ANKS1B: variants seen among roughly 807,000 people sequenced by gnomAD.
ANKS1B encodes the protein ankyrin repeat and sterile alpha motif domain-containing protein 1B.
A neutral mutation model predicts 148.3 loss-of-function variants in ANKS1B; 36 were observed. The ratio of observed to expected loss-of-function variants is 0.24; its 90% CI spans 0.19 to 0.32. The LOEUF (loss-of-function observed/expected upper bound fraction) is 0.32. Ranked by LOEUF, ANKS1B falls within the 10% of genes least tolerant of loss-of-function variation. The pLI is 1.00. For missense variants in ANKS1B, 1,157 were observed against 1,542.6 expected, an observed-to-expected ratio of 0.75 and a Z score of 4.19; for synonymous variants, 542 against 560.8, an observed-to-expected ratio of 0.97 and a Z score of 0.47.
chr12:99,069,996 T>A (rs2045750476), intron 16 of ANKS1B, among the ~76,000 whole-genome samples: 1 of 152,218 alleles, frequency 6.6e-6, no homozygotes, highest in African/African-American at 2.4e-5. Flanking sequence ...GAGCTTTAAT[T>A]TCTTCACCTG....
At chr12:99,411,675 G>T (rs941089841) in intron 11 of ANKS1B, among the ~76,000 whole-genome samples, 16 of 152,138 alleles carry the variant, frequency 1.1e-4, no homozygotes, top group South Asian at 4.2e-4. Flanking sequence ...CCACTGATTT[G>T]AAATGTCACC....
Position 99,372,653 on chromosome 12 carries a change from T to G in ANKS1B, c.1756+26978A>C, listed in dbSNP as rs563201889. 3.3e-3 allele frequency among the ~76,000 whole-genome samples: 506 copies of G among 152,218 alleles called. 1 individual carries two copies. The highest frequency in any genetic ancestry group is 0.012 in the African/African-American group (497 of 41,546). The stretch of plus-strand genomic sequence containing the variant: ...CTACATATTAGCTTCTTTCCCCACT[T>G]CCTCCCCTAGTTTTATACATCCATA... On this transcript the variant is annotated intron_variant, in intron 12 of 26. Transcript: ENST00000683438.
intron 8 of ANKS1B, among the ~76,000 whole-genome samples, chr12:99,679,407 A>G (rs2098601054): frequency 6.6e-6 from 1 of 152,172 alleles, no homozygotes; most frequent in East Asian, 1.9e-4. Context: ...CCCCAGGCTC[A>G]AGCCATCCTC....
At chr12:99,054,403 G>A (rs1376589114) in intron 16 of ANKS1B, among the ~76,000 whole-genome samples, 2 of 152,076 alleles carry the variant, frequency 1.3e-5, no homozygotes. Context: ...TCTTAAACAT[G>A]GTAAGCTTTC....
chr12:99,613,944 T>C (rs996528799), intron 9 of ANKS1B, among the ~76,000 whole-genome samples: 9 of 151,966 alleles, frequency 5.9e-5, no homozygotes, highest in Non-Finnish European at 1.3e-4. Flanking sequence ...ATTTACCCTA[T>C]CCTATTCCAA....
chr12:99,331,275 C>T (rs1345691440), intron 12 of ANKS1B, among the ~76,000 whole-genome samples: 1 of 151,864 alleles, frequency 6.6e-6, no homozygotes, highest in Non-Finnish European at 1.5e-5. Flanking sequence ...AAACAGTACT[C>T]TAATATGGGG....
chr12:99,465,343 A>G (rs1389514469), intron 10 of ANKS1B, among the ~76,000 whole-genome samples: 3 of 152,244 alleles, frequency 2.0e-5, no homozygotes, highest in Non-Finnish European at 4.4e-5. Flanking sequence ...AAATCACGCC[A>G]AATTGTAAAG....
intron 9 of ANKS1B, among the ~76,000 whole-genome samples, chr12:99,615,219 A>G (rs1406897304): frequency 6.6e-6 from 1 of 152,132 alleles, no homozygotes; most frequent in African/African-American, 2.4e-5. Flanking sequence ...ACACACACAT[A>G]AACTCATGCA....
intron 17 of ANKS1B, among the ~76,000 whole-genome samples, chr12:99,016,227 G>A (rs927185379): frequency 1.3e-4 from 20 of 152,214 alleles, no homozygotes; most frequent in Admixed American, 5.9e-4. Flanking sequence ...TTCTGTGTTA[G>A]AACCCATGAC....
At chr12:99,335,279 TATA>T (rs1433408488) in intron 12 of ANKS1B, among the ~76,000 whole-genome samples, 3 of 152,068 alleles carry the variant, frequency 2.0e-5, no homozygotes, top group Admixed American at 6.6e-5. Context: ...GATACAGGCA[TATA>T]ATGTGTAATA....
At chr12:98,774,935 C>T (rs182488147) in intron 24 of ANKS1B, among the ~76,000 whole-genome samples, 1 of 152,302 alleles carries the variant, frequency 6.6e-6, no homozygotes, top group East Asian at 1.9e-4. Context: ...AGATAAGTTT[C>T]AGACTAGAAG....
intron 12 of ANKS1B, among the ~76,000 whole-genome samples, chr12:99,384,626 C>T (rs1229199019): frequency 6.6e-6 from 1 of 151,640 alleles, no homozygotes; most frequent in Non-Finnish European, 1.5e-5. Context: ...CCTGCCTTCC[C>T]CTCCTCTCCC....
intron 15 of ANKS1B, among the ~76,000 whole-genome samples, chr12:99,128,135 C>G (rs2064963796): frequency 6.6e-6 from 1 of 152,162 alleles, no homozygotes; most frequent in Non-Finnish European, 1.5e-5. Context: ...TGGAGCCATT[C>G]AAACAGATTC....
chr12:99,856,970 G>A (rs2089228674), intron 1 of ANKS1B, among the ~76,000 whole-genome samples: 1 of 152,150 alleles, frequency 6.6e-6, no homozygotes, highest in Non-Finnish European at 1.5e-5. Flanking sequence ...CTAAGAACTG[G>A]AACATGACAA....
chr12:99,015,383 G>A (rs185412855), intron 17 of ANKS1B, among the ~76,000 whole-genome samples: 101 of 152,186 alleles, frequency 6.6e-4, no homozygotes, highest in Non-Finnish European at 1.3e-3. Flanking sequence ...ATGGGAGGAG[G>A]GAGAAGATCA....
intron 12 of ANKS1B, among the ~76,000 whole-genome samples, chr12:99,273,646 G>A (rs1004728781): frequency 3.7e-5 from 5 of 135,372 alleles, no homozygotes; most frequent in Non-Finnish European, 4.5e-5. Context: ...GCACAATCTC[G>A]GCTCACTGGA....
intron 17 of ANKS1B, among the ~76,000 whole-genome samples, chr12:98,992,142 G>T (rs1399188531): frequency 1.3e-5 from 2 of 152,098 alleles, no homozygotes; most frequent in Non-Finnish European, 2.9e-5. Context: ...TTATCTTCCT[G>T]ACATTCACCA....
chr12:99,037,963 G>C (rs1272125222), intron 17 of ANKS1B, among the ~76,000 whole-genome samples: 1 of 152,154 alleles, frequency 6.6e-6, no homozygotes, highest in Non-Finnish European at 1.5e-5. Flanking sequence ...TAGAGAAAGG[G>C]CACACCTCTA....
intron 22 of ANKS1B, among the ~76,000 whole-genome samples, chr12:98,792,466 C>T (rs543175368): frequency 6.6e-6 from 1 of 152,116 alleles, no homozygotes; most frequent in African/African-American, 2.4e-5. Context: ...ATTCAAAATC[C>T]TCTTCTAGCT....
Sources: gnomAD v4.1 joint callset for allele counts (sites outside exome capture counted in the v4.1 genomes callset) on GRCh38, gnomAD v4.1.1 for gene constraint, MANE v1.5 for transcripts, NCBI Gene and HGNC (gene_info 2026-07-23, HGNC 2026-07-21) for gene names.